Variants in MSRA observed in about 807,000 individuals in gnomAD.
MSRA encodes mitochondrial peptide methionine sulfoxide reductase.
A neutral mutation model predicts 31.3 loss-of-function variants in MSRA; 54 were observed. The observed-to-expected ratio is 1.73, with a 90% CI of 1.39 to 2.17. MSRA has a LOEUF of 2.17. MSRA is among the 30% of genes most tolerant of loss of function. MSRA has a pLI of 0.00. For missense variants in MSRA, 507 were observed against 300.9 expected (o/e 1.69, Z -5.07); for synonymous variants, 169 against 116.5 (o/e 1.45, Z -2.90).
intron 1 of MSRA, among the ~76,000 whole-genome samples, chr8:10,128,995 TTC>T (rs1483518178): frequency 2.0e-5 from 3 of 152,204 alleles, no homozygotes; most frequent in Admixed American, 6.5e-5. Context: ...ATAATATGCT[TTC>T]TCTCTTAATT....
chr8:10,369,341 A>G (rs1379692186), intron 5 of MSRA, among the ~76,000 whole-genome samples: 2 of 147,224 alleles, frequency 1.4e-5, no homozygotes, highest in Admixed American at 6.6e-5. Context: ...TGAACATAGC[A>G]TGATCCTGGC....
chr8:10,329,813 T>C (rs549321808), intron 5 of MSRA, among the ~76,000 whole-genome samples: 2 of 151,442 alleles, frequency 1.3e-5, no homozygotes, highest in Non-Finnish European at 2.9e-5. Flanking sequence ...TTTGATTTCC[T>C]CTCTCGGGGG....
chr8:10,274,151 G>A (rs1372655103), intron 3 of MSRA, among the ~76,000 whole-genome samples: 1 of 152,186 alleles, frequency 6.6e-6, no homozygotes, highest in African/African-American at 2.4e-5. Flanking sequence ...AGAAAGAAGG[G>A]TAGGTTTGGA....
intron 1 of MSRA, among the ~76,000 whole-genome samples, chr8:10,110,954 T>C (rs949663106): frequency 3.3e-5 from 5 of 152,158 alleles, no homozygotes; most frequent in Non-Finnish European, 5.9e-5. Flanking sequence ...AATTTCTTTA[T>C]TGTGGAGTGG....
At chr8:10,383,491 T>A (rs1390368753) in intron 5 of MSRA, among the ~76,000 whole-genome samples, 2 of 152,288 alleles carry the variant, frequency 1.3e-5, no homozygotes, top group East Asian at 3.9e-4. Context: ...GCTTAAAAGG[T>A]TGCTGGAACA....
intron 1 of MSRA, among the ~76,000 whole-genome samples, chr8:10,074,910 C>T (rs1315048985): frequency 6.6e-6 from 1 of 152,106 alleles, no homozygotes; most frequent in African/African-American, 2.4e-5. Context: ...CTGCCTGTCT[C>T]GGCCTCCCGA....
intron 1 of MSRA, among the ~76,000 whole-genome samples, chr8:10,089,239 T>C (rs1798738938): frequency 6.6e-6 from 1 of 152,194 alleles, no homozygotes; most frequent in Admixed American, 6.5e-5. Flanking sequence ...TCCCGTATCA[T>C]CACGTTGTCA....
Position 10,426,216 on chromosome 8 carries a change from C to T in MSRA, c.544-1932C>T, listed in dbSNP as rs576022962. Among the ~76,000 whole-genome samples the T allele has an allele frequency of 2.6e-5, 4 of 152,306 alleles. No homozygotes were observed. The South Asian group carries it at 6.2e-4, about 24-fold the overall frequency. On this transcript the variant is annotated intron_variant, in intron 5 of 5. Transcript: ENST00000317173. ...CTCATTCTTAGAGAGGTTCTGTTCC[C>T]TGAAAACAGTCTGGAGCCAAATGCT...
intron 3 of MSRA, among the ~76,000 whole-genome samples, chr8:10,270,406 TGAA>T (rs1462838595): frequency 2.1e-5 from 1 of 46,676 alleles, no homozygotes; most frequent in African/African-American, 5.8e-5. Context: ...AGAAGCATAC[TGAA>T]AAAAAAAAAA....
intron 1 of MSRA, among the ~76,000 whole-genome samples, chr8:10,163,297 G>C (rs1008171729): frequency 1.8e-4 from 27 of 152,228 alleles, no homozygotes; most frequent in Non-Finnish European, 3.2e-4. Flanking sequence ...TTTGAAGCAG[G>C]TGTGCTGAGA....
intron 1 of MSRA, among the ~76,000 whole-genome samples, chr8:10,064,107 C>T (rs998480378): frequency 3.3e-5 from 5 of 152,116 alleles, no homozygotes; most frequent in South Asian, 2.1e-4. Context: ...TCATTTCCCC[C>T]GCTGTGTTTT....
intron 3 of MSRA, among the ~76,000 whole-genome samples, chr8:10,289,047 C>T (rs1800089015): frequency 1.3e-5 from 2 of 150,944 alleles, no homozygotes; most frequent in Non-Finnish European, 2.9e-5. Flanking sequence ...AATGGAGTCT[C>T]GCTCTGTCGC....
chr8:10,329,851 A>G (rs1178531094), intron 5 of MSRA, among the ~76,000 whole-genome samples: 1 of 151,576 alleles, frequency 6.6e-6, no homozygotes, highest in Non-Finnish European at 1.5e-5. Flanking sequence ...AGAGAGGTGA[A>G]AATTTGCAAA....
intron 1 of MSRA, among the ~76,000 whole-genome samples, chr8:10,192,064 C>T (rs1585132705): frequency 1.3e-5 from 2 of 152,230 alleles, no homozygotes; most frequent in East Asian, 3.9e-4. Context: ...CCACATGGGC[C>T]TCTTCATAGG....
chr8:10,280,041 T>C (rs1265431796), intron 3 of MSRA, among the ~76,000 whole-genome samples: 1 of 152,220 alleles, frequency 6.6e-6, no homozygotes, highest in Non-Finnish European at 1.5e-5. Flanking sequence ...AGCCTTGCTT[T>C]TTCTTCTTTC....
chr8:10,175,931 G>A (rs964664110), intron 1 of MSRA, among the ~76,000 whole-genome samples: 1 of 152,172 alleles, frequency 6.6e-6, no homozygotes, highest in African/African-American at 2.4e-5. Context: ...ATGGGATAAG[G>A]CAGCATCATT....
intron 5 of MSRA, among the ~76,000 whole-genome samples, chr8:10,389,503 C>G (rs1373703240): frequency 6.6e-6 from 1 of 152,344 alleles, no homozygotes; most frequent in African/African-American, 2.4e-5. Flanking sequence ...TTTCTTGTTA[C>G]TACTTCAGTA....
intron 2 of MSRA, among the ~76,000 whole-genome samples, chr8:10,241,733 C>A (rs1812431622): frequency 6.8e-6 from 1 of 147,100 alleles, no homozygotes; most frequent in Non-Finnish European, 1.5e-5. Flanking sequence ...GCTTTCTAAT[C>A]AAAGACCATC....
At chr8:10,108,517 A>G (rs1262397721) in intron 1 of MSRA, among the ~76,000 whole-genome samples, 1 of 152,066 alleles carries the variant, frequency 6.6e-6, no homozygotes, top group East Asian at 1.9e-4. Context: ...CCTGATTTAT[A>G]TTTTGGTACA....
Sources: allele counts gnomAD v4.1 joint callset (sites outside exome capture counted in the v4.1 genomes callset), GRCh38; gene constraint gnomAD v4.1.1; transcripts MANE v1.5; gene names NCBI Gene and HGNC (gene_info 2026-07-23, HGNC 2026-07-21).